The following RBFOX1 variants were observed in gnomAD, a reference collection of about 807,000 sequenced individuals.
RBFOX1 encodes RNA binding fox-1 homolog 1.
Under a neutral mutation model 57.7 loss-of-function variants are expected in RBFOX1, and 8 were observed. That is an observed-to-expected ratio of 0.14 (90% confidence interval 0.08 to 0.25). The LOEUF (loss-of-function observed/expected upper bound fraction) is 0.25, where lower values mean the gene tolerates loss of function less well. Ranked by LOEUF, RBFOX1 falls within the 10% of genes least tolerant of loss-of-function variation. The pLI, the probability that RBFOX1 is intolerant of heterozygous loss-of-function variation, is 1.00. For missense variants in RBFOX1, 611 were observed against 548.5 expected (o/e 1.11, Z -1.14); for synonymous variants, 326 against 222.4 (o/e 1.47, Z -4.15).
At chr16:5,469,959 A>G (rs914131976) in intron 2 of RBFOX1, among the ~76,000 whole-genome samples, 6 of 152,162 alleles carry the variant, frequency 3.9e-5, no homozygotes, top group African/African-American at 1.4e-4. Context: ...CACCATAAAC[A>G]TTTGTGCCCA....
At chr16:5,825,239 G>A (rs1242718845) in intron 3 of RBFOX1, among the ~76,000 whole-genome samples, 1 of 152,224 alleles carries the variant, frequency 6.6e-6, no homozygotes, top group Non-Finnish European at 1.5e-5. Flanking sequence ...AGTGATGGAA[G>A]GCAGCCCCGT....
At chr16:5,641,189 G>GCAT (rs1454569752) in intron 3 of RBFOX1, among the ~76,000 whole-genome samples, 7 of 145,718 alleles carry the variant, frequency 4.8e-5, no homozygotes, top group Non-Finnish European at 9.1e-5. Context: ...GATACACACA[G>GCAT]GCACACACAT....
intron 4 of RBFOX1, among the ~76,000 whole-genome samples, chr16:7,172,319 T>C (rs2080857549): frequency 6.6e-6 from 1 of 152,214 alleles, no homozygotes; most frequent in Admixed American, 6.5e-5. Flanking sequence ...TTTATCTCTT[T>C]TTACTCCTCA....
chr16:6,160,969 A>C lies in RBFOX1; in HGVS notation c.-127+140977A>C, dbSNP rs74006904. 3.3e-3 allele frequency among the ~76,000 whole-genome samples: 503 copies of C among 152,296 alleles called. 5 individuals are homozygous for C. Among genetic ancestry groups the C allele is most frequent in the African/African-American group, 0.012 (482 of 41,566 alleles). ...TTCGCCCCTTGTTCATTTGTGTTCT[A>C]TCTCTCCTTCTTCCTACCGACAATG... On this transcript the variant is annotated intron_variant, in intron 1 of 15. Transcript: ENST00000550418.
intron 2 of RBFOX1, among the ~76,000 whole-genome samples, chr16:6,423,681 C>G (rs2093839448): frequency 6.6e-6 from 1 of 152,116 alleles, no homozygotes; most frequent in Admixed American, 6.5e-5. Flanking sequence ...AAGAGCAAGA[C>G]ACAGTGGAGG....
chr16:6,461,024 G>A (rs2094906975), intron 2 of RBFOX1, among the ~76,000 whole-genome samples: 3 of 152,100 alleles, frequency 2.0e-5, no homozygotes, highest in African/African-American at 4.8e-5. Flanking sequence ...AACACTGCAT[G>A]CTCTCACTTA....
chr16:5,887,420 G>C (rs550942405), intron 4 of RBFOX1, among the ~76,000 whole-genome samples: 1 of 152,270 alleles, frequency 6.6e-6, no homozygotes, highest in African/African-American at 2.4e-5. Context: ...TTTGTTTTGT[G>C]AGATGTAGTC....
intron 2 of RBFOX1, among the ~76,000 whole-genome samples, chr16:6,545,900 C>G (rs968457748): frequency 6.6e-6 from 1 of 152,172 alleles, no homozygotes; most frequent in Non-Finnish European, 1.5e-5. Flanking sequence ...GCCTAAAGCT[C>G]TTTCAACTTG....
intron 3 of RBFOX1, among the ~76,000 whole-genome samples, chr16:5,686,662 C>G (rs1293011634): frequency 6.6e-6 from 1 of 152,100 alleles, no homozygotes; most frequent in Non-Finnish European, 1.5e-5. Flanking sequence ...TGATTTGACC[C>G]TCAGTACTTA....
chr16:6,133,426 C>G lies in RBFOX1; in HGVS notation c.-127+113434C>G, dbSNP rs74005148. On this transcript the variant is annotated intron_variant, in intron 1 of 15. Transcript: ENST00000550418. ...TCTGAATGAATAAATAAATGAAATGCTTCTACCACTTACATTCCCTGCCTC... is the reference window on the plus strand; with the variant it reads ...TCTGAATGAATAAATAAATGAAATGGTTCTACCACTTACATTCCCTGCCTC... Among the ~76,000 whole-genome samples, 778 of 152,286 alleles carry G rather than the reference C, an allele frequency of 5.1e-3. 14 individuals are homozygous for G. Among genetic ancestry groups the G allele is most frequent in the African/African-American group, 0.017 (717 of 41,558 alleles).
chr16:7,648,978 G>A (rs1245723108), intron 11 of RBFOX1, among the ~76,000 whole-genome samples: 5 of 152,134 alleles, frequency 3.3e-5, no homozygotes, highest in Non-Finnish European at 7.4e-5. Flanking sequence ...TCTTTCTAGG[G>A]ATTGTGACTA....
chr16:6,569,118 C>G (rs1461621019), intron 2 of RBFOX1, among the ~76,000 whole-genome samples: 2 of 152,180 alleles, frequency 1.3e-5, no homozygotes, highest in South Asian at 2.1e-4. Flanking sequence ...TTTGAATACT[C>G]TCTCTGCCTC....
At chr16:5,477,481 C>G (rs772466778) in intron 2 of RBFOX1, among the ~76,000 whole-genome samples, 3 of 152,222 alleles carry the variant, frequency 2.0e-5, no homozygotes, top group East Asian at 3.9e-4. Flanking sequence ...CAGACTGTCA[C>G]TTCCAATTTG....
chr16:6,740,051 T>G (rs774067199), intron 3 of RBFOX1, among the ~76,000 whole-genome samples: 2 of 152,116 alleles, frequency 1.3e-5, no homozygotes, highest in African/African-American at 2.4e-5. Flanking sequence ...TAACAATATA[T>G]AAAAAGACTT....
intron 3 of RBFOX1, among the ~76,000 whole-genome samples, chr16:6,798,189 C>T (rs141539088): frequency 3.3e-5 from 5 of 152,200 alleles, no homozygotes; most frequent in East Asian, 1.9e-4. Flanking sequence ...CTTCTCTGGT[C>T]GTGTCCCTAA....
intron 3 of RBFOX1, among the ~76,000 whole-genome samples, chr16:6,690,177 C>T (rs920448097): frequency 6.6e-6 from 1 of 152,048 alleles, no homozygotes; most frequent in African/African-American, 2.4e-5. Flanking sequence ...TGTTTTATTA[C>T]TCATGAGTTA....
chr16:6,139,423 T>G (rs2096695571), intron 1 of RBFOX1, among the ~76,000 whole-genome samples: 1 of 152,210 alleles, frequency 6.6e-6, no homozygotes, highest in Non-Finnish European at 1.5e-5. Flanking sequence ...AGGAGACTTT[T>G]GACCACCCGC....
At chr16:6,496,053 A>C (rs2095759727) in intron 2 of RBFOX1, among the ~76,000 whole-genome samples, 1 of 152,232 alleles carries the variant, frequency 6.6e-6, no homozygotes, top group African/African-American at 2.4e-5. Flanking sequence ...GAACAAGCGT[A>C]TGTTTATGGA....
chr16:6,728,547 G>A (rs1301115281), intron 3 of RBFOX1, among the ~76,000 whole-genome samples: 3 of 152,146 alleles, frequency 2.0e-5, no homozygotes, highest in Non-Finnish European at 2.9e-5. Context: ...GTAGCAAACA[G>A]CTCATTATCC....
Sources: gnomAD v4.1 joint callset for allele counts (sites outside exome capture counted in the v4.1 genomes callset) on GRCh38, gnomAD v4.1.1 for gene constraint, MANE v1.5 for transcripts, NCBI Gene and HGNC (gene_info 2026-07-23, HGNC 2026-07-21) for gene names.